Variants in KIR3DL1 observed in about 807,000 individuals in gnomAD.
KIR3DL1 encodes killer cell immunoglobulin like receptor, three Ig domains and long cytoplasmic tail 1.
In KIR3DL1, 50 loss-of-function variants were observed where a neutral mutation model predicts 40.3. The ratio of observed to expected loss-of-function variants is 1.24; its 90% confidence interval spans 0.99 to 1.57. KIR3DL1 has a LOEUF of 1.57. KIR3DL1 is among the 40% of genes most tolerant of loss of function. The probability of loss-of-function intolerance (pLI) is 0.00; values close to 1 mark genes in which losing one functional copy is unlikely to be tolerated. For missense variants in KIR3DL1, 661 were observed against 559.9 expected, an observed-to-expected ratio of 1.18 and a Z score of -1.82; for synonymous variants, 257 against 207.2, an observed-to-expected ratio of 1.24 and a Z score of -2.07.
At chr19:54,828,510 A>G (rs2062026478) in intron 6 of KIR3DL1, among the ~76,000 whole-genome samples, 1 of 151,122 alleles carries the variant, frequency 6.6e-6, no homozygotes, top group African/African-American at 2.5e-5. Context: ...AATGTGAGCC[A>G]GTTCCCCAAG....
chr19:54,829,921 C>A lies in KIR3DL1; in HGVS notation c.1106-7C>A. On this transcript the variant is annotated splice_region_variant and splice_polypyrimidine_tract_variant and intron_variant, in intron 7 of 8. Coordinates refer to ENST00000391728, the Ensembl canonical transcript of KIR3DL1. ...CGAGCTCTTTTGTTGACTTCCGTCT[C>A]CTACAGATGCTGCTGTAATGGACCA... is the stretch of plus-strand genomic sequence containing the variant. 6.8e-7 allele frequency: 1 copy of A among 1,467,212 alleles called. No homozygotes were observed. 90.9% of individuals were successfully genotyped at this position (1,467,212 alleles called of 1,614,324 possible).
chr19:54,821,909 T>C (rs2061661379), intron 5 of KIR3DL1, 51 bp downstream of exon 5: 19 of 1,557,636 alleles, frequency 1.2e-5, no homozygotes, highest in Non-Finnish European at 1.7e-5. Context: ...AATCCTTAGC[T>C]AAGGAGCTTC....
rs777466520 is a variant in KIR3DL1, at chr19:54,818,601, T to A, written c.355+2T>A. 2.5e-6 allele frequency: 4 copies of A among 1,607,220 alleles called. No individual in the cohort carries two copies. Among genetic ancestry groups the A allele is most frequent in the African/African-American group, 1.4e-5 (1 of 73,970 alleles). ...ACCCCGTGGTGATCATGGTCACAGG[T>A]CAGAGGCTTTCCGTCTGGGCTTCTC... On this transcript the variant is annotated splice_donor_variant, in intron 3 of 8. Coordinates refer to ENST00000391728, the Ensembl canonical transcript of KIR3DL1. LOFTEE classifies it high-confidence loss of function.
At chr19:54,828,507 G>C (rs1380147865) in intron 6 of KIR3DL1, among the ~76,000 whole-genome samples, 1 of 151,080 alleles carries the variant, frequency 6.6e-6, no homozygotes, top group East Asian at 1.9e-4. Context: ...TTCAATGTGA[G>C]CCAGTTCCCC....
chr19:54,825,466 A>G (rs1177245665), intron 6 of KIR3DL1, among the ~76,000 whole-genome samples: 1 of 150,314 alleles, frequency 6.7e-6, no homozygotes, highest in African/African-American at 2.5e-5. Context: ...CCAAGGAATG[A>G]ATTACTGTTG....
At chr19:54,820,452 C>T (rs1459913157) in intron 4 of KIR3DL1, among the ~76,000 whole-genome samples, 5 of 151,482 alleles carry the variant, frequency 3.3e-5, no homozygotes, top group African/African-American at 1.2e-4. Context: ...CCTACAGATG[C>T]CGTGTTTATT....
intron 2 of KIR3DL1, among the ~76,000 whole-genome samples, 196 bp from the exon 3 acceptor site, chr19:54,818,119 A>C (rs181089642): frequency 0.021 from 602 of 28,900 alleles, 14 homozygotes; most frequent in Middle Eastern, 0.043. Flanking sequence ...TTCTCCAGCA[A>C]CTTGCTCAAA....
intron 7 of KIR3DL1, among the ~76,000 whole-genome samples, 179 bp downstream of exon 7, chr19:54,829,644 G>A (rs376095687): frequency 0.044 from 5,029 of 114,970 alleles, 44 homozygotes; most frequent in South Asian, 0.1. Context: ...CTCACAGACC[G>A]TTGCCTGATT....
chr19:54,828,627 G>A (rs1181763589), intron 6 of KIR3DL1, among the ~76,000 whole-genome samples: 1 of 150,578 alleles, frequency 6.6e-6, no homozygotes, highest in Non-Finnish European at 1.5e-5. Flanking sequence ...GCCACAGGAA[G>A]CACTCAGCTA....
rs746900324 is a variant in KIR3DL1 at position 54,822,433 on chromosome 19, T to G, written c.949+575T>G. ...TAAGATCAGGAACTCGAGATCACCCTGGCCAACATGTGGGAAATTCATCTT... is the reference window on the plus strand; with the variant it reads ...TAAGATCAGGAACTCGAGATCACCCGGGCCAACATGTGGGAAATTCATCTT... On this transcript the variant is annotated intron_variant, in intron 5 of 8. Coordinates refer to ENST00000391728, the Ensembl canonical transcript of KIR3DL1. 1.3e-4 allele frequency among the ~76,000 whole-genome samples: 19 copies of G among 151,110 alleles called. 1 individual carries two copies. Among genetic ancestry groups the G allele is most frequent in the Non-Finnish European group, 2.4e-4 (16 of 67,896 alleles).
At chr19:54,818,390 G>A in exon 3 of KIR3DL1, 1 of 1,607,308 alleles carries the variant, frequency 6.2e-7, no homozygotes, top group African/African-American at 1.4e-5. Context: ...ACTCTTCGGT[G>A]TCACTATCGT....
exon 3 of KIR3DL1, chr19:54,818,449 C>T (rs150563896): frequency 2.5e-6 from 4 of 1,607,868 alleles, no homozygotes; most frequent in South Asian, 1.1e-5. Context: ...AATCCACATT[C>T]CCATCTTCCA....
chr19:54,818,286 C>T (rs766448283), intron 2 of KIR3DL1, 29 bp from the exon 3 acceptor site: 4 of 1,584,714 alleles, frequency 2.5e-6, no homozygotes, highest in African/African-American at 1.4e-5. Flanking sequence ...ACATCCTCCT[C>T]TCTAAGGCAG....
At chr19:54,819,911 T>C in exon 4 of KIR3DL1, 1 of 1,612,230 alleles carries the variant, frequency 6.2e-7, no homozygotes, top group Non-Finnish European at 8.5e-7. Context: ...ATCGGTCCCA[T>C]GATGCTTGCC....
Position 54,829,480 on chromosome 19 carries a change from G to A in KIR3DL1, c.1105+15G>A, listed in dbSNP as rs1280832349. ...CAACAAAAAAAGTAAGTCTCACGGG[G>A]CACAGGCCAGAGAGCTCAGGGCCAT... On this transcript the variant is annotated intron_variant, in intron 7 of 8. Coordinates refer to ENST00000391728, the Ensembl canonical transcript of KIR3DL1. 3 of 1,434,690 alleles carry A rather than the reference G, an allele frequency of 2.1e-6. No homozygotes were observed. 88.9% of individuals were successfully genotyped at this position (1,434,690 alleles called of 1,614,324 possible). A position where few individuals can be genotyped will look rare whatever the true frequency, so the allele number is the denominator to read the frequency against.
At chr19:54,817,477 A>G in intron 1 of KIR3DL1, 57 bp from the exon 2 acceptor site, 1 of 1,365,990 alleles carries the variant, frequency 7.3e-7, no homozygotes, top group Non-Finnish European at 1.0e-6. Flanking sequence ...CAGTGGGGGC[A>G]GCAGGGTGCC....
At chr19:54,825,681 T>C (rs1339088821) in intron 6 of KIR3DL1, among the ~76,000 whole-genome samples, 18 of 150,534 alleles carry the variant, frequency 1.2e-4, no homozygotes, top group African/African-American at 3.5e-4. Flanking sequence ...TTAATTATCT[T>C]ACAGTGCTGT....
exon 4 of KIR3DL1, chr19:54,819,835 A>T (rs762387775): frequency 6.2e-7 from 1 of 1,611,886 alleles, no homozygotes; most frequent in Non-Finnish European, 8.5e-7. Context: ...CAAAGAGGGG[A>T]TCTCTAAGGA....
At chr19:54,819,291 G>A (rs111226311) in intron 3 of KIR3DL1, among the ~76,000 whole-genome samples, 2,005 of 107,912 alleles carry the variant, frequency 0.019, 125 homozygotes, top group African/African-American at 0.052. Flanking sequence ...AGCCAGATGT[G>A]GTGGTGGGCA....
Sources: gnomAD v4.1 joint callset for allele counts (sites outside exome capture counted in the v4.1 genomes callset) on GRCh38, gnomAD v4.1.1 for gene constraint, MANE v1.5 for transcripts, NCBI Gene and HGNC (gene_info 2026-07-23, HGNC 2026-07-21) for gene names.